NRG3: variants seen among roughly 807,000 people sequenced by gnomAD.
The protein encoded by NRG3 is neuregulin 3.
In NRG3, 31 loss-of-function variants were observed where a neutral mutation model predicts 66.9. That is an observed-to-expected ratio of 0.46 (90% CI 0.35 to 0.63). The LOEUF is 0.63. Among genes scored for constraint, NRG3 ranks in the 20% least tolerant of loss-of-function variants. The pLI, the probability that NRG3 is intolerant of heterozygous loss-of-function variation, is 0.00. For missense variants in NRG3, 910 were observed against 878.9 expected, an observed-to-expected ratio of 1.04 and a Z score of -0.45; for synonymous variants, 393 against 359.4, an observed-to-expected ratio of 1.09 and a Z score of -1.06.
rs186213948 is a variant in NRG3 at position 82,581,898 on chromosome 10, A to G, written c.954-156679A>G. Among the ~76,000 whole-genome samples, 17 of 151,184 alleles carry G rather than the reference A, an allele frequency of 1.1e-4. No homozygotes were observed. The East Asian group carries it at 2.4e-3, about 21-fold the overall frequency. On this transcript the variant is annotated intron_variant, in intron 2 of 8. Coordinates refer to ENST00000372141, the MANE Select transcript of NRG3 (RefSeq NM_001010848.4). ...ATCTATTTTGACCCAATTTTTGTGA[A>G]CAATGTAAGGTCCGTGTTTAGATAC...
intron 1 of NRG3, among the ~76,000 whole-genome samples, chr10:81,888,540 T>G (rs1373832280): frequency 6.6e-6 from 1 of 152,160 alleles, no homozygotes; most frequent in African/African-American, 2.4e-5. Context: ...TGAGGCCATT[T>G]CAGAAAGTAG....
intron 1 of NRG3, among the ~76,000 whole-genome samples, chr10:81,899,106 G>T (rs754441498): frequency 1.6e-4 from 25 of 152,134 alleles, no homozygotes; most frequent in Non-Finnish European, 3.2e-4. Flanking sequence ...GATTAATAAG[G>T]TCTTAATTTT....
At chr10:82,474,681 G>A (rs934834853) in intron 2 of NRG3, among the ~76,000 whole-genome samples, 12 of 152,066 alleles carry the variant, frequency 7.9e-5, no homozygotes, top group African/African-American at 2.9e-4. Flanking sequence ...AGAAGCAGGA[G>A]AGAAAGAGGA....
chr10:82,179,062 C>T lies in NRG3; in HGVS notation c.824-179677C>T, dbSNP rs188061753. Among the ~76,000 whole-genome samples, 10 of 151,736 alleles carry T rather than the reference C, an allele frequency of 6.6e-5. No individual in the cohort carries two copies. In the East Asian group the frequency reaches 1.9e-3, roughly 29 times the overall value. Reference sequence around the variant, plus strand: ...TCTTTGAAGAAATGTTTATTCAGGCCCTTTGCTCATTTCAAATCAGATAAT... The same window carrying T: ...TCTTTGAAGAAATGTTTATTCAGGCTCTTTGCTCATTTCAAATCAGATAAT... On this transcript the variant is annotated intron_variant, in intron 1 of 8. Transcript: ENST00000372141.
intron 4 of NRG3, among the ~76,000 whole-genome samples, chr10:82,949,005 T>G (rs1849277947): frequency 6.6e-6 from 1 of 152,164 alleles, no homozygotes; most frequent in Non-Finnish European, 1.5e-5. Flanking sequence ...GAAAAAAACA[T>G]TCTTTCACAG....
At chr10:82,546,161 A>T (rs1428020753) in intron 2 of NRG3, among the ~76,000 whole-genome samples, 1 of 152,160 alleles carries the variant, frequency 6.6e-6, no homozygotes, top group Non-Finnish European at 1.5e-5. Context: ...CCTCTTTTGA[A>T]AGTGCATAAC....
chr10:82,277,725 C>A (rs561668325), intron 1 of NRG3, among the ~76,000 whole-genome samples: 1 of 152,098 alleles, frequency 6.6e-6, no homozygotes, highest in South Asian at 2.1e-4. Context: ...GCAGGAAGCT[C>A]TCAGTATTCT....
intron 1 of NRG3, among the ~76,000 whole-genome samples, chr10:82,070,851 A>G (rs1024107753): frequency 6.6e-6 from 1 of 152,232 alleles, no homozygotes; most frequent in Non-Finnish European, 1.5e-5. Context: ...ATGTAATGAA[A>G]AAGGCACAAC....
At chr10:82,316,364 A>T (rs562144950) in intron 1 of NRG3, among the ~76,000 whole-genome samples, 1 of 152,292 alleles carries the variant, frequency 6.6e-6, no homozygotes, top group East Asian at 1.9e-4. Context: ...TTTGTCCCCC[A>T]GTGAATTCTA....
chr10:82,209,580 A>G (rs2133607407), intron 1 of NRG3, among the ~76,000 whole-genome samples: 1 of 152,332 alleles, frequency 6.6e-6, no homozygotes, highest in East Asian at 1.9e-4. Flanking sequence ...TGATAACTCT[A>G]ACAGCACAAG....
intron 3 of NRG3, among the ~76,000 whole-genome samples, chr10:82,811,620 C>A (rs1266263558): frequency 6.6e-6 from 1 of 152,202 alleles, no homozygotes; most frequent in Non-Finnish European, 1.5e-5. Context: ...GAGGTTAGTC[C>A]ATTCATCATC....
intron 2 of NRG3, among the ~76,000 whole-genome samples, chr10:82,463,408 G>A (rs1471238659): frequency 2.0e-5 from 3 of 152,174 alleles, no homozygotes; most frequent in African/African-American, 7.2e-5. Flanking sequence ...ATATGCCTGA[G>A]GGCACCACTG....
intron 3 of NRG3, among the ~76,000 whole-genome samples, chr10:82,783,135 G>A (rs1287192612): frequency 1.3e-5 from 2 of 152,070 alleles, no homozygotes; most frequent in East Asian, 1.9e-4. Context: ...ATACAGAAAA[G>A]GCCTTTGACA....
intron 4 of NRG3, among the ~76,000 whole-genome samples, chr10:82,912,978 C>A (rs939117892): frequency 1.3e-5 from 2 of 152,168 alleles, no homozygotes; most frequent in African/African-American, 4.8e-5. Context: ...GTAATCCCAG[C>A]ACTTTGGGAG....
intron 1 of NRG3, among the ~76,000 whole-genome samples, chr10:82,260,037 A>G (rs2077943373): frequency 6.6e-6 from 1 of 152,202 alleles, no homozygotes; most frequent in Non-Finnish European, 1.5e-5. Context: ...ACAATGCCAT[A>G]CTTTCTATTC....
At chr10:82,872,244 T>C (rs990973518) in intron 4 of NRG3, among the ~76,000 whole-genome samples, 1 of 152,192 alleles carries the variant, frequency 6.6e-6, no homozygotes, top group African/African-American at 2.4e-5. Flanking sequence ...ATACCTGAGA[T>C]AAATGGATAA....
intron 1 of NRG3, among the ~76,000 whole-genome samples, chr10:82,007,526 C>A (rs1345004314): frequency 6.6e-6 from 1 of 152,086 alleles, no homozygotes; most frequent in Non-Finnish European, 1.5e-5. Context: ...AATTTTCTAA[C>A]AGTTTGCTGC....
intron 2 of NRG3, among the ~76,000 whole-genome samples, chr10:82,397,041 G>A (rs2136013444): frequency 6.6e-6 from 1 of 152,232 alleles, no homozygotes; most frequent in East Asian, 1.9e-4. Flanking sequence ...TGCCTCTCCT[G>A]TGAGCTTTGT....
At chr10:82,645,771 G>A (rs74651216) in intron 2 of NRG3, among the ~76,000 whole-genome samples, 11 of 152,244 alleles carry the variant, frequency 7.2e-5, no homozygotes, top group African/African-American at 2.4e-4. Flanking sequence ...AAAAACAAGA[G>A]TGTTGTATTG....
Sources: allele counts gnomAD v4.1 joint callset (sites outside exome capture counted in the v4.1 genomes callset), GRCh38; gene constraint gnomAD v4.1.1; transcripts MANE v1.5; gene names NCBI Gene and HGNC (gene_info 2026-07-23, HGNC 2026-07-21).